GPC5: variants seen among roughly 807,000 people sequenced by gnomAD.
The protein encoded by GPC5 is glypican 5, also known as glypican-5.
Under a neutral mutation model 53.9 loss-of-function variants are expected in GPC5, and 47 were observed. The observed-to-expected ratio is 0.87, with a 90% CI of 0.69 to 1.11. The LOEUF (loss-of-function observed/expected upper bound fraction) is 1.11. Ranked by LOEUF, GPC5 falls within the 50% of genes most tolerant of loss-of-function variation. The pLI, the probability that GPC5 is intolerant of heterozygous loss-of-function variation, is 0.00. For missense variants in GPC5, 748 were observed against 713.1 expected, an observed-to-expected ratio of 1.05 and a Z score of -0.56; for synonymous variants, 286 against 263.3, an observed-to-expected ratio of 1.09 and a Z score of -0.84.
At chr13:92,266,938 G>A (rs2042806352) in intron 7 of GPC5, among the ~76,000 whole-genome samples, 1 of 151,658 alleles carries the variant, frequency 6.6e-6, no homozygotes, top group Non-Finnish European at 1.5e-5. Context: ...TGCAAAAACA[G>A]AAGTTTGGTT....
intron 5 of GPC5, among the ~76,000 whole-genome samples, chr13:91,850,481 C>T (rs143660417): frequency 6.6e-6 from 1 of 152,120 alleles, no homozygotes; most frequent in East Asian, 1.9e-4. Context: ...TTGCCCTCTG[C>T]AACACCTATA....
At chr13:91,785,959 G>T (rs2037870868) in intron 5 of GPC5, among the ~76,000 whole-genome samples, 1 of 152,036 alleles carries the variant, frequency 6.6e-6, no homozygotes, top group Non-Finnish European at 1.5e-5. Context: ...GCAGAAATCT[G>T]CCTCAGGTCT....
chr13:92,742,589 G>A (rs1566395541), intron 7 of GPC5, among the ~76,000 whole-genome samples: 1 of 151,064 alleles, frequency 6.6e-6, no homozygotes, highest in Non-Finnish European at 1.5e-5. Flanking sequence ...AGTTTAATTA[G>A]ATCCCATTTG....
chr13:92,447,609 C>T (rs1244418650), intron 7 of GPC5: 1 of 151,968 alleles, frequency 6.6e-6, no homozygotes, highest in African/African-American at 2.4e-5. Context: ...TGTAATTTTC[C>T]TGCAGAGTGA....
intron 6 of GPC5, among the ~76,000 whole-genome samples, chr13:92,088,944 G>A (rs985422646): frequency 6.6e-6 from 1 of 152,118 alleles, no homozygotes; most frequent in Non-Finnish European, 1.5e-5. Flanking sequence ...AATTTAAAGA[G>A]AGAACCAGGA....
intron 7 of GPC5, among the ~76,000 whole-genome samples, chr13:92,585,812 C>A (rs1444635141): frequency 1.3e-5 from 2 of 152,144 alleles, no homozygotes; most frequent in African/African-American, 4.8e-5. Context: ...CTCACAAGAT[C>A]TGATGGTAAG....
At chr13:92,574,297 A>G (rs930279116) in intron 7 of GPC5, among the ~76,000 whole-genome samples, 2 of 152,196 alleles carry the variant, frequency 1.3e-5, no homozygotes, top group African/African-American at 4.8e-5. Context: ...TTCAGAGTGC[A>G]TCCATCTAGA....
intron 2 of GPC5, among the ~76,000 whole-genome samples, chr13:91,539,891 T>C (rs1197130565): frequency 1.3e-5 from 2 of 151,290 alleles, no homozygotes; most frequent in African/African-American, 2.4e-5. Flanking sequence ...ACCTGACAAG[T>C]TGGTGAACTT....
chr13:92,543,533 A>G (rs1404743995), intron 7 of GPC5, among the ~76,000 whole-genome samples: 1 of 151,956 alleles, frequency 6.6e-6, no homozygotes, highest in Non-Finnish European at 1.5e-5. Context: ...GGCGTAGGGG[A>G]TATGACTACT....
intron 7 of GPC5, among the ~76,000 whole-genome samples, chr13:92,385,411 C>T (rs200966938): frequency 0.025 from 902 of 35,474 alleles, 65 homozygotes; most frequent in African/African-American, 0.031. Flanking sequence ...CATATATACA[C>T]ATATATATAC....
intron 7 of GPC5, among the ~76,000 whole-genome samples, chr13:92,553,180 G>A (rs1882377113): frequency 6.6e-6 from 1 of 151,846 alleles, no homozygotes; most frequent in Non-Finnish European, 1.5e-5. Flanking sequence ...ACAACCTTCA[G>A]AAAACTTTTC....
chr13:92,214,067 T>C (rs1009627435), intron 7 of GPC5, among the ~76,000 whole-genome samples: 8 of 152,162 alleles, frequency 5.3e-5, no homozygotes, highest in African/African-American at 9.7e-5. Flanking sequence ...AAATCATACA[T>C]GATTAGAGGA....
chr13:92,397,847 T>C (rs1386417202), intron 7 of GPC5, among the ~76,000 whole-genome samples: 3 of 152,156 alleles, frequency 2.0e-5, no homozygotes, highest in African/African-American at 7.2e-5. Flanking sequence ...ACATCTCAGA[T>C]GGTTGAAAGA....
chr13:92,298,148 A>G (rs1420416137), intron 7 of GPC5, among the ~76,000 whole-genome samples: 1 of 152,110 alleles, frequency 6.6e-6, no homozygotes, highest in African/African-American at 2.4e-5. Context: ...CACAATCCGA[A>G]GGGCCAGTCT....
chr13:92,311,379 ACAAC>A (rs1184760192), intron 7 of GPC5, among the ~76,000 whole-genome samples: 1 of 152,184 alleles, frequency 6.6e-6, no homozygotes. Flanking sequence ...TAGGTATTTA[ACAAC>A]TACATACATT....
At chr13:92,422,897 T>G (rs535553182) in intron 7 of GPC5, among the ~76,000 whole-genome samples, 1 of 152,350 alleles carries the variant, frequency 6.6e-6, no homozygotes, top group African/African-American at 2.4e-5. Context: ...TACTTCTATT[T>G]TGAGAATTCT....
intron 6 of GPC5, among the ~76,000 whole-genome samples, chr13:91,922,766 G>T (rs1198755700): frequency 6.6e-6 from 1 of 152,134 alleles, no homozygotes; most frequent in Non-Finnish European, 1.5e-5. Context: ...CTGTACCCAG[G>T]TATCTAGGTT....
At position 91,941,049 on chromosome 13, in the gene GPC5, C is replaced by A. The variant is rs181573361; in HGVS notation, c.1401+32992C>A. ...GTTGCAATTGCTTTTGGCAACTTAG[C>A]CAAAAGCAGTTCTTTGCCAAGGCTA... On this transcript the variant is annotated intron_variant, in intron 6 of 7. Transcript: ENST00000377067. Among the ~76,000 whole-genome samples, 43 of 152,048 alleles carry A rather than the reference C, an allele frequency of 2.8e-4. 1 individual carries two copies. In the East Asian group the frequency reaches 8.3e-3, roughly 29 times the overall value.
At chr13:91,630,978 C>T (rs1384805496) in intron 2 of GPC5, among the ~76,000 whole-genome samples, 3 of 152,060 alleles carry the variant, frequency 2.0e-5, no homozygotes, top group Non-Finnish European at 4.4e-5. Flanking sequence ...TAAAAGCTTA[C>T]ATCTTTTTGT....
Sources: gnomAD v4.1 joint callset for allele counts (sites outside exome capture counted in the v4.1 genomes callset) on GRCh38, gnomAD v4.1.1 for gene constraint, MANE v1.5 for transcripts, NCBI Gene and HGNC (gene_info 2026-07-23, HGNC 2026-07-21) for gene names.